The following ZNF606 variants were observed in gnomAD, a reference collection of about 807,000 sequenced individuals.
ZNF606 encodes zinc finger protein 328.
ZNF606 carries 37 observed loss-of-function variants against 74.9 expected under a neutral mutation model. The observed-to-expected ratio is 0.49, with a 90% CI of 0.38 to 0.65. The LOEUF (loss-of-function observed/expected upper bound fraction) is 0.65. ZNF606 is among the 30% of genes least tolerant of loss of function. ZNF606 has a pLI of 0.00. For synonymous variants in ZNF606, 328 were observed against 312.4 expected (o/e 1.05, Z -0.53); for missense variants, 852 against 952.9 (o/e 0.89, Z 1.39).
At chr19:57,982,808 T>C (rs527818676) in intron 6 of ZNF606, among the ~76,000 whole-genome samples, 1 of 152,182 alleles carries the variant, frequency 6.6e-6, no homozygotes, top group East Asian at 1.9e-4. Context: ...CATGCCTGGC[T>C]AAATGTTTTT....
Position 58,000,420 on chromosome 19 carries a change from T to C in ZNF606, c.88+263A>G, listed in dbSNP as rs1600229715. On this transcript the variant is annotated intron_variant, in intron 3 of 6. Transcript: ENST00000551380. ...GTATTTTGTTTTAGTAGAGACGGGG[T>C]TTCACCGTGTTAGCCAGGATGGTCT... is the stretch of plus-strand genomic sequence containing the variant. The C allele has an allele frequency of 2.3e-5, 13 of 574,062 alleles. No individual in the cohort carries two copies. In the East Asian group the frequency reaches 3.8e-4, roughly 17 times the overall value. The allele number at this position is 574,062 out of a possible 1,614,324, so 35.6% of individuals were successfully genotyped here. A position where few individuals can be genotyped will look rare whatever the true frequency, so the allele number is the denominator to read the frequency against.
At position 57,980,292 on chromosome 19, in the gene ZNF606, GA is replaced by G; in HGVS notation, c.401-14del. 2.5e-6 allele frequency: 4 copies of G among 1,581,102 alleles called. No individual in the cohort carries two copies. The highest frequency in any genetic ancestry group is 1.2e-5 in the South Asian group (1 of 85,318). ...TTTCTCACCCATTCTGAAACAGACA[GA>G]AAAAAAGCTATGAGAGCATAGAGAA... On this transcript the variant is annotated splice_polypyrimidine_tract_variant and intron_variant, in intron 6 of 6. Coordinates refer to ENST00000551380, the MANE Select transcript of ZNF606 (RefSeq NM_001348022.3).
rs766350560 is a variant in ZNF606, at chr19:57,995,189, CAA to C, written c.177+4617_177+4618del. Among the ~76,000 whole-genome samples the C allele has an allele frequency of 8.6e-3, 425 of 49,502 alleles. 3 individuals are homozygous for C. The highest frequency in any genetic ancestry group is 0.028 in the African/African-American group (407 of 14,562). 32.5% of individuals were successfully genotyped at this position (49,502 alleles called of 152,430 possible). On this transcript the variant is annotated intron_variant, in intron 4 of 6. Coordinates refer to ENST00000551380, the MANE Select transcript of ZNF606 (RefSeq NM_001348022.3). ...TGGGCAACAGAATGAGACTCTGACTCAAAAAAAAAAAAAAAAAAAAAAGTACA... is the reference window on the plus strand; with the variant it reads ...TGGGCAACAGAATGAGACTCTGACTCAAAAAAAAAAAAAAAAAAAAGTACA...
chr19:57,988,126 A>T, intron 6 of ZNF606, 81 bp downstream of exon 6: 1 of 935,710 alleles, frequency 1.1e-6, no homozygotes, highest in Non-Finnish European at 1.6e-6. Flanking sequence ...TGAGGAAGGT[A>T]ACTCTTCATG....
chr19:57,979,570 T>C lies in ZNF606; in HGVS notation c.1110A>G (p.Lys370=), dbSNP rs2073047999. 6.2e-7 allele frequency: 1 copy of C among 1,613,062 alleles called. No individual in the cohort carries two copies. Among genetic ancestry groups the C allele is most frequent in the African/African-American group, 1.3e-5 (1 of 74,866 alleles). ...TCTCCCATTCATTGTATTTATACGC[T>C]TTCTCTACAGTACCAATTTTTTGAT... The part of the protein sequence containing the change: ...MEHQKIGTVE[K]AYKYNEWEKV... The change falls in exon 7 of 7, where the codon AAA becomes AAG. Residue 370 remains lysine (K), a synonymous_variant. Transcript: ENST00000551380.
chr19:57,983,157 T>C (rs1417133937), intron 6 of ZNF606, among the ~76,000 whole-genome samples: 1 of 152,214 alleles, frequency 6.6e-6, no homozygotes, highest in East Asian at 1.9e-4. Context: ...AACTTTATAC[T>C]CACTCAGTAC....
rs377086306 is a variant in ZNF606, at chr19:58,001,351, G to A, written c.-32C>T. ...GACTGATTGACCAGGCACCTGCCCA[G>A]GAACACAGCAAATCCCAACCTAGTG... On this transcript the variant is annotated 5_prime_UTR_variant, in exon 2 of 7. Transcript: ENST00000551380. 1.9e-6 allele frequency: 3 copies of A among 1,613,970 alleles called. No individual in the cohort carries two copies. Among genetic ancestry groups the A allele is most frequent in the Non-Finnish European group, 2.5e-6 (3 of 1,179,980 alleles).
At chr19:57,993,340 T>C (rs1479476083) in intron 4 of ZNF606, among the ~76,000 whole-genome samples, 5 of 152,164 alleles carry the variant, frequency 3.3e-5, no homozygotes, top group East Asian at 1.9e-4. Flanking sequence ...AAATAAACAG[T>C]TGGCTTTTTT....
Position 58,002,773 on chromosome 19 carries a change from G to A in ZNF606, c.-429C>T, listed in dbSNP as rs1258202376. On this transcript the variant is annotated 5_prime_UTR_variant, in exon 1 of 7. Coordinates refer to ENST00000551380, the MANE Select transcript of ZNF606 (RefSeq NM_001348022.3). ...CGGCGGCCCCACAGCCTGAGCAAAG[G>A]CCTCACCTCAGCCGCGGACAATGGC... The A allele has an allele frequency of 2.2e-6, 1 of 454,268 alleles. No homozygotes were observed. The highest frequency in any genetic ancestry group is 1.6e-5 in the South Asian group (1 of 64,464). 28.1% of individuals were successfully genotyped at this position (454,268 alleles called of 1,614,324 possible).
At position 57,977,240 on chromosome 19, in the gene ZNF606, G is replaced by A. The variant is rs1441865051; in HGVS notation, c.*1061C>T. 6.6e-6 allele frequency: 1 copy of A among 152,156 alleles called. No homozygotes were observed. Among genetic ancestry groups the A allele is most frequent in the Non-Finnish European group, 1.5e-5 (1 of 68,028 alleles). The allele number at this position is 152,156 out of a possible 1,614,324, so 9.4% of individuals were successfully genotyped here. On this transcript the variant is annotated 3_prime_UTR_variant, in exon 7 of 7. Transcript: ENST00000551380. ...CTCCCTTACTAGTTGTGCCCCTTAG[G>A]TAGGATCCTTCAACATCTCTGCTTC...
rs1340771544 is a variant in ZNF606 at position 57,978,929 on chromosome 19, A to G, written c.1751T>C (p.Ile584Thr). The G allele has an allele frequency of 4.3e-6, 7 of 1,614,028 alleles. No individual in the cohort carries two copies. Among genetic ancestry groups the G allele is most frequent in the South Asian group, 2.2e-5 (2 of 91,082 alleles). ...TCCCGTGTGAGTTCTCTGATGGGCA[A>G]TAAGATGGGAGCTCCAGCTGAAGGA... ...GKSFSWSSHL[I>T]AHQRTHTGEK... The change falls in exon 7 of 7, where the codon ATT becomes ACT. Residue 584 changes from isoleucine (I) to threonine (T), a missense_variant. By Grantham distance (89) the Ile-to-Thr change is moderately conservative. Transcript: ENST00000551380. The surrounding 1 kb of genome is among the most constrained non-coding windows in gnomAD (Gnocchi z 4.4).
chr19:57,984,637 G>C (rs2073138098), intron 6 of ZNF606, among the ~76,000 whole-genome samples: 1 of 152,188 alleles, frequency 6.6e-6, no homozygotes, highest in Non-Finnish European at 1.5e-5. Context: ...GCTGCATAAA[G>C]AAACTCTGTT....
chr19:57,988,471 G>C (rs1401797066), intron 5 of ZNF606, 124 bp downstream of exon 5: 1 of 1,463,986 alleles, frequency 6.8e-7, no homozygotes, highest in South Asian at 1.3e-5. Flanking sequence ...GAACCTCAGG[G>C]CCCAAGATCA....
In ZNF606 at chr19:57,979,377, T is replaced by C. The variant is rs763520691; in HGVS notation, c.1303A>G (p.Lys435Glu). 2.4e-5 allele frequency: 38 copies of C among 1,613,226 alleles called. No individual in the cohort carries two copies. Among genetic ancestry groups the C allele is most frequent in the Non-Finnish European group, 3.1e-5 (37 of 1,179,566 alleles). ...EKPYECDKCG[K>E]VFRNRSALTK... ...AGGGCTGAGCGATTCCTAAAAACTT[T>C]TCCACATTTATCACATTCATAGGGT... Residue 435 changes from lysine (K) to glutamate (E), a missense_variant, in exon 7 of 7, where the codon AAA (lysine) becomes GAA (glutamate). Lys to Glu is a moderately conservative substitution (Grantham distance 56, BLOSUM62 1). Around this residue, in one of 3 missense-constraint regions of ZNF606, gnomAD observed 545 missense variants for 542.5 expected, o/e 1.00. Coordinates refer to ENST00000551380, the MANE Select transcript of ZNF606 (RefSeq NM_001348022.3).
chr19:57,984,479 C>T (rs572908692), intron 6 of ZNF606, among the ~76,000 whole-genome samples: 2 of 152,318 alleles, frequency 1.3e-5, no homozygotes, highest in South Asian at 4.1e-4. Flanking sequence ...CAAAAGTCCC[C>T]TCCATTAGAG....
At chr19:58,000,575 C>T (rs781160529) in intron 3 of ZNF606, 108 bp downstream of exon 3, 1 of 1,202,480 alleles carries the variant, frequency 8.3e-7, no homozygotes, top group Non-Finnish European at 1.2e-6. Context: ...TCTGGACCAC[C>T]TGCCCTAAAG....
intron 3 of ZNF606, chr19:58,000,213 C>A: frequency 4.3e-6 from 2 of 470,094 alleles, no homozygotes; most frequent in Non-Finnish European, 7.5e-6. Context: ...CATCACCTTA[C>A]TGCTCACTGG....
intron 4 of ZNF606, among the ~76,000 whole-genome samples, chr19:57,991,021 TAG>T (rs1050091650): frequency 2.6e-5 from 4 of 152,148 alleles, no homozygotes; most frequent in African/African-American, 9.6e-5. Context: ...ACACCCCATG[TAG>T]AGACGCCTCC....
chr19:58,001,113 T>G (rs2073420667), intron 2 of ZNF606, 176 bp downstream of exon 2: 1 of 695,470 alleles, frequency 1.4e-6, no homozygotes, highest in South Asian at 2.0e-5. Context: ...AACATAAAAG[T>G]TAGTGTCTTT....
Sources: allele counts gnomAD v4.1 joint callset (sites outside exome capture counted in the v4.1 genomes callset), GRCh38; gene constraint gnomAD v4.1.1; regional missense constraint gnomAD v4.1.1; non-coding constraint Gnocchi (gnomAD v3.1); transcripts MANE v1.5; gene names NCBI Gene and HGNC (gene_info 2026-07-23, HGNC 2026-07-21).